Variants in ADCY8 observed in about 807,000 individuals in gnomAD.
ADCY8 encodes adenylate cyclase 8, also known as adenylate cyclase type 8.
Under a neutral mutation model 119.7 loss-of-function variants are expected in ADCY8, and 51 were observed. That is an observed-to-expected ratio of 0.43 (90% CI 0.34 to 0.54). The LOEUF is 0.54. Ranked by LOEUF, ADCY8 falls within the 20% of genes least tolerant of loss-of-function variation. The pLI is 0.03. For missense variants in ADCY8, 1,383 were observed against 1,598.8 expected (o/e 0.87, Z 2.30); for synonymous variants, 665 against 651.0 (o/e 1.02, Z -0.33).
chr8:130,869,939 C>T (rs796671320), intron 8 of ADCY8, among the ~76,000 whole-genome samples: 136 of 145,376 alleles, frequency 9.4e-4, no homozygotes, highest in East Asian at 6.4e-3. Flanking sequence ...CCTCCTCCTC[C>T]TCTTCTTCTT....
At chr8:130,977,307 A>C (rs950163170) in intron 2 of ADCY8, among the ~76,000 whole-genome samples, 3 of 152,196 alleles carry the variant, frequency 2.0e-5, no homozygotes, top group Admixed American at 6.5e-5. Context: ...TACTCGAAAA[A>C]CAGAAAATAT....
At chr8:131,031,174 A>ATT (rs1343546731) in intron 1 of ADCY8, among the ~76,000 whole-genome samples, 1 of 152,122 alleles carries the variant, frequency 6.6e-6, no homozygotes, top group Non-Finnish European at 1.5e-5. Context: ...AATCTCCTTG[A>ATT]TTACATCCCT....
chr8:130,828,365 C>A (rs147604061), intron 12 of ADCY8, among the ~76,000 whole-genome samples: 125 of 152,302 alleles, frequency 8.2e-4, no homozygotes, highest in Middle Eastern at 3.4e-3. Context: ...CTCTCTCTGC[C>A]CTTGGCCTGG....
Position 130,983,730 on chromosome 8 carries a change from G to A in ADCY8, c.1110+6663C>T, listed in dbSNP as rs1034543296. Among the ~76,000 whole-genome samples, 45 of 152,118 alleles carry A rather than the reference G, an allele frequency of 3.0e-4. 1 individual carries two copies. Among genetic ancestry groups the A allele is most frequent in the Non-Finnish European group, 3.2e-4 (22 of 68,030 alleles). Reference sequence around the variant, plus strand: ...TGAGGTCTTATATAATCCAAATTAGGCACTAAGAAGATGATCCTGACAGGT... The same window carrying A: ...TGAGGTCTTATATAATCCAAATTAGACACTAAGAAGATGATCCTGACAGGT... On this transcript the variant is annotated intron_variant, in intron 2 of 17. Transcript: ENST00000286355.
intron 12 of ADCY8, among the ~76,000 whole-genome samples, chr8:130,821,700 C>T (rs140114789): frequency 3.5e-4 from 54 of 152,188 alleles, no homozygotes; most frequent in African/African-American, 1.3e-3. Flanking sequence ...TTTCTATGTG[C>T]AGAACACATT....
chr8:130,851,980 T>C (rs1817544425), intron 9 of ADCY8, among the ~76,000 whole-genome samples: 1 of 152,112 alleles, frequency 6.6e-6, no homozygotes, highest in Middle Eastern at 3.2e-3. Flanking sequence ...ATGGAAGCAT[T>C]TGCCCAAGGA....
intron 2 of ADCY8, among the ~76,000 whole-genome samples, chr8:130,972,203 C>T (rs2130706863): frequency 6.6e-6 from 1 of 152,296 alleles, no homozygotes; most frequent in South Asian, 2.1e-4. Flanking sequence ...ACCAACCATA[C>T]TTTTATTGAG....
At chr8:130,847,226 G>A (rs1037643541) in intron 11 of ADCY8, among the ~76,000 whole-genome samples, 198 bp downstream of exon 11, 5 of 151,938 alleles carry the variant, frequency 3.3e-5, no homozygotes, top group African/African-American at 1.2e-4. Context: ...CAGGAAAGAG[G>A]ACTGGGAAAC....
chr8:131,038,494 A>G (rs979590757), intron 1 of ADCY8, among the ~76,000 whole-genome samples: 4 of 152,212 alleles, frequency 2.6e-5, no homozygotes, highest in Admixed American at 6.5e-5. Context: ...GTAAATTTAA[A>G]CAATAGAAAC....
chr8:130,929,024 A>G (rs78239291), intron 5 of ADCY8, among the ~76,000 whole-genome samples: 3,680 of 152,146 alleles, frequency 0.024, 139 homozygotes, highest in African/African-American at 0.084. Flanking sequence ...GGTAGATTGC[A>G]TGCATCAAAT....
At chr8:130,915,163 G>A (rs1820090063) in intron 5 of ADCY8, among the ~76,000 whole-genome samples, 2 of 152,146 alleles carry the variant, frequency 1.3e-5, no homozygotes, top group South Asian at 4.1e-4. Flanking sequence ...GCTCACCTCT[G>A]TCTAGCTGGG....
At chr8:130,834,229 C>T (rs1043114898) in intron 12 of ADCY8, among the ~76,000 whole-genome samples, 2 of 151,990 alleles carry the variant, frequency 1.3e-5, no homozygotes, top group Non-Finnish European at 2.9e-5. Context: ...TGATGAATAA[C>T]CCAACAGAAA....
chr8:130,989,736 A>G (rs1274112387), intron 2 of ADCY8, among the ~76,000 whole-genome samples: 1 of 152,184 alleles, frequency 6.6e-6, no homozygotes, highest in East Asian at 1.9e-4. Flanking sequence ...AGTAAATTTA[A>G]TTTTGGAGAA....
rs1252553251 is a variant in ADCY8, at chr8:130,867,917, C to T, written c.2139G>A (p.Lys713=). 1.9e-6 allele frequency: 3 copies of T among 1,611,216 alleles called. No homozygotes were observed. In the South Asian group the frequency reaches 3.3e-5, roughly 18 times the overall value. Residue 713 remains lysine (K), a synonymous_variant, in exon 9 of 18, where the codon AAG becomes AAA. Coordinates refer to ENST00000286355, the MANE Select transcript of ADCY8 (RefSeq NM_001115.3). ...CGATAAATGCACAGACCAAGTTTGA[C>T]TTGAACACTTCATCCCTCATTTGAG... ...KYSQMRDEVF[K]SNLVCAFIVL... is the part of the protein sequence containing the mutation.
chr8:130,854,696 C>T (rs889488656), intron 9 of ADCY8, among the ~76,000 whole-genome samples: 1 of 152,046 alleles, frequency 6.6e-6, no homozygotes, highest in Non-Finnish European at 1.5e-5. Context: ...ATTATCATTC[C>T]CATTTTACAG....
At chr8:130,954,739 A>G (rs575919686) in intron 2 of ADCY8, among the ~76,000 whole-genome samples, 27 of 152,370 alleles carry the variant, frequency 1.8e-4, no homozygotes, top group Admixed American at 1.4e-3. Flanking sequence ...CATAAATAGC[A>G]AAGAATTGAA....
chr8:130,982,382 G>C (rs1422087408), intron 2 of ADCY8, among the ~76,000 whole-genome samples: 2 of 152,210 alleles, frequency 1.3e-5, no homozygotes, highest in African/African-American at 2.4e-5. Context: ...GCTTCATAAG[G>C]GGGGCGGGGC....
intron 1 of ADCY8, among the ~76,000 whole-genome samples, chr8:130,994,631 G>T (rs1016431472): frequency 6.6e-6 from 1 of 152,198 alleles, no homozygotes; most frequent in Non-Finnish European, 1.5e-5. Flanking sequence ...ATCCTGTGGA[G>T]TCAAGTGGGC....
chr8:130,820,578 A>C (rs1816477355), intron 13 of ADCY8, among the ~76,000 whole-genome samples: 1 of 152,114 alleles, frequency 6.6e-6, no homozygotes, highest in Non-Finnish European at 1.5e-5. Context: ...ATGAAGAATA[A>C]TTTTCTTTCT....
Sources: allele counts gnomAD v4.1 joint callset (sites outside exome capture counted in the v4.1 genomes callset), GRCh38; gene constraint gnomAD v4.1.1; transcripts MANE v1.5; gene names NCBI Gene and HGNC (gene_info 2026-07-23, HGNC 2026-07-21).